Variants in UBE2Q2 observed in about 807,000 individuals in gnomAD.
The protein encoded by UBE2Q2 is ubiquitin-conjugating enzyme E2 Q2.
A neutral mutation model predicts 59.9 loss-of-function variants in UBE2Q2; 54 were observed. That is an observed-to-expected ratio of 0.90 (90% CI 0.72 to 1.13). The LOEUF (loss-of-function observed/expected upper bound fraction) is 1.13. Ranked by LOEUF, UBE2Q2 falls within the 50% of genes most tolerant of loss-of-function variation. The probability of loss-of-function intolerance (pLI) is 0.00; values close to 1 mark genes in which losing one functional copy is unlikely to be tolerated. For missense variants in UBE2Q2, 433 were observed against 441.9 expected, an observed-to-expected ratio of 0.98 and a Z score of 0.18; for synonymous variants, 165 against 155.2, an observed-to-expected ratio of 1.06 and a Z score of -0.47.
At chr15:75,875,089 G>C (rs898182346) in intron 5 of UBE2Q2, among the ~76,000 whole-genome samples, 1 of 152,162 alleles carries the variant, frequency 6.6e-6, no homozygotes, top group Non-Finnish European at 1.5e-5. Flanking sequence ...TTTATGTCTT[G>C]TGATCGATTC....
Position 75,873,488 on chromosome 15 carries a change from T to C in UBE2Q2, c.508T>C (p.Ser170Pro), listed in dbSNP as rs151262694. The part of the protein sequence containing the change: ...KEEEPISGKK[S>P]EDEGIEKENL... ...AGAAGAGCCTATTAGTGGGAAAAAG[T>C]CAGAGGATGAAGGAATTGAAAAAGA... The change falls in exon 5 of 13, where the codon TCA becomes CCA. Residue 170 changes from serine (S) to proline (P), a missense_variant. Coordinates refer to ENST00000267938, the MANE Select transcript of UBE2Q2 (RefSeq NM_173469.4). 2 of 1,613,778 alleles carry C rather than the reference T, an allele frequency of 1.2e-6. No individual in the cohort carries two copies. The highest frequency in any genetic ancestry group is 1.7e-6 in the Non-Finnish European group (2 of 1,179,892).
intron 1 of UBE2Q2, among the ~76,000 whole-genome samples, chr15:75,848,853 ATCTCT>A (rs551735538): frequency 6.6e-6 from 1 of 152,062 alleles, no homozygotes; most frequent in South Asian, 2.1e-4. Flanking sequence ...GTGTTATGTG[ATCTCT>A]TCTAGAAGAT....
chr15:75,887,689 C>A (rs1898863277), intron 9 of UBE2Q2, among the ~76,000 whole-genome samples: 1 of 151,728 alleles, frequency 6.6e-6, no homozygotes, highest in Non-Finnish European at 1.5e-5. Flanking sequence ...AATCTGGTGA[C>A]AGCAGAAGAG....
At chr15:75,872,392 A>G (rs1264696647) in intron 4 of UBE2Q2, among the ~76,000 whole-genome samples, 1 of 151,990 alleles carries the variant, frequency 6.6e-6, no homozygotes, top group Non-Finnish European at 1.5e-5. Context: ...GTAGAGAAAT[A>G]AGGTAATTGC....
At chr15:75,879,754 A>C (rs1198211212) in intron 8 of UBE2Q2, among the ~76,000 whole-genome samples, 2 of 152,158 alleles carry the variant, frequency 1.3e-5, no homozygotes, top group Non-Finnish European at 2.9e-5. Flanking sequence ...AGGGGGGTAA[A>C]ACTAGGAAGA....
intron 1 of UBE2Q2, chr15:75,844,087 G>T (rs1487573390): frequency 2.1e-6 from 3 of 1,416,446 alleles, no homozygotes; most frequent in Non-Finnish European, 2.7e-6. Context: ...GGGGGCTTCT[G>T]GCCCATCTCG....
chr15:75,844,214 C>T, intron 1 of UBE2Q2: 1 of 1,469,734 alleles, frequency 6.8e-7, no homozygotes, highest in Non-Finnish European at 9.0e-7. Context: ...CGGGGCGGCG[C>T]AGCTCCGGCT....
chr15:75,884,113 A>C (rs1898618822), intron 9 of UBE2Q2, among the ~76,000 whole-genome samples: 1 of 152,184 alleles, frequency 6.6e-6, no homozygotes, highest in East Asian at 1.9e-4. Context: ...TATGGTTGGA[A>C]GTCTTACAGA....
chr15:75,871,132 C>T (rs1212514021), intron 4 of UBE2Q2, among the ~76,000 whole-genome samples: 2 of 152,194 alleles, frequency 1.3e-5, no homozygotes, highest in African/African-American at 4.8e-5. Context: ...GTCTTTGCAT[C>T]ATAGACAAGG....
At chr15:75,861,081 G>C (rs543490062) in intron 3 of UBE2Q2, among the ~76,000 whole-genome samples, 6 of 152,282 alleles carry the variant, frequency 3.9e-5, no homozygotes, top group African/African-American at 1.4e-4. Flanking sequence ...TGGCAAAATG[G>C]GGGAACCAGT....
intron 3 of UBE2Q2, among the ~76,000 whole-genome samples, chr15:75,865,874 G>A (rs573512858): frequency 6.6e-6 from 1 of 150,940 alleles, no homozygotes; most frequent in South Asian, 2.1e-4. Flanking sequence ...AATACTTGCT[G>A]TCTGTTATTT....
intron 3 of UBE2Q2, among the ~76,000 whole-genome samples, chr15:75,863,918 G>C (rs1380546066): frequency 6.6e-6 from 1 of 152,050 alleles, no homozygotes; most frequent in African/African-American, 2.4e-5. Context: ...GGGATTACAG[G>C]GGTGAGCCAC....
chr15:75,893,164 A>G (rs1284544257), intron 11 of UBE2Q2, among the ~76,000 whole-genome samples: 1 of 152,206 alleles, frequency 6.6e-6, no homozygotes, highest in Non-Finnish European at 1.5e-5. Flanking sequence ...ACAAATGTAA[A>G]TGGACTAAAG....
chr15:75,848,357 G>C (rs1896463067), intron 1 of UBE2Q2, among the ~76,000 whole-genome samples: 2 of 152,170 alleles, frequency 1.3e-5, no homozygotes, highest in South Asian at 2.1e-4. Flanking sequence ...AATAAACCTG[G>C]ACTAAGGAGC....
intron 4 of UBE2Q2, among the ~76,000 whole-genome samples, chr15:75,870,921 A>G (rs1348418844): frequency 6.6e-6 from 1 of 152,180 alleles, no homozygotes; most frequent in Non-Finnish European, 1.5e-5. Flanking sequence ...GACTTGGAAA[A>G]GAAAAAGACA....
At chr15:75,872,533 CTTTTTTTTTT>C (rs374099581) in intron 4 of UBE2Q2, among the ~76,000 whole-genome samples, 2 of 114,768 alleles carry the variant, frequency 1.7e-5, no homozygotes, top group Admixed American at 9.0e-5. Context: ...TTTTCTTTTC[CTTTTTTTTTT>C]TTTTTTTTTT....
At chr15:75,844,045 C>G in intron 1 of UBE2Q2, 199 bp downstream of exon 1, 2 of 1,407,794 alleles carry the variant, frequency 1.4e-6, no homozygotes, top group Non-Finnish European at 1.8e-6. Context: ...GCGGAGGGCG[C>G]GTCTTTCCGG....
At chr15:75,843,992 T>A in intron 1 of UBE2Q2, 146 bp downstream of exon 1, 1 of 1,403,140 alleles carries the variant, frequency 7.1e-7, no homozygotes, top group Non-Finnish European at 9.2e-7. Flanking sequence ...GACTTGCCCA[T>A]CCCAGGCCGG....
At chr15:75,846,794 T>C (rs1426164664) in intron 1 of UBE2Q2, among the ~76,000 whole-genome samples, 2 of 152,244 alleles carry the variant, frequency 1.3e-5, no homozygotes. Context: ...AACATCCTTA[T>C]GCAGTTTCTC....
Sources: gnomAD v4.1 joint callset for allele counts (sites outside exome capture counted in the v4.1 genomes callset) on GRCh38, gnomAD v4.1.1 for gene constraint, MANE v1.5 for transcripts, NCBI Gene and HGNC (gene_info 2026-07-23, HGNC 2026-07-21) for gene names.